Variants in TNRC6C observed in about 807,000 individuals in gnomAD.
TNRC6C encodes trinucleotide repeat-containing gene 6C protein.
A neutral mutation model predicts 153.7 loss-of-function variants in TNRC6C; 20 were observed. The ratio of observed to expected loss-of-function variants is 0.13; its 90% CI spans 0.09 to 0.19. The LOEUF (loss-of-function observed/expected upper bound fraction) is 0.19, where lower values mean the gene tolerates loss of function less well. Ranked by LOEUF, TNRC6C falls within the 10% of genes least tolerant of loss-of-function variation. The pLI, the probability that TNRC6C is intolerant of heterozygous loss-of-function variation, is 1.00. For synonymous variants in TNRC6C, 811 were observed against 841.4 expected, an observed-to-expected ratio of 0.96 and a Z score of 0.63; for missense variants, 1,987 against 2,172.0, an observed-to-expected ratio of 0.91 and a Z score of 1.69.
intron 2 of TNRC6C, among the ~76,000 whole-genome samples, chr17:78,045,380 C>A (rs1055554211): frequency 2.6e-5 from 4 of 152,096 alleles, no homozygotes; most frequent in Admixed American, 6.5e-5. Flanking sequence ...TGGATATTGG[C>A]CTTTGTAGAA....
In TNRC6C at chr17:78,049,159, A is replaced by G; in HGVS notation, c.97A>G (p.Asn33Asp). Residue 33 changes from asparagine (N) to aspartate (D), a missense_variant, in exon 3 of 20, where the codon AAT becomes GAT. Coordinates refer to ENST00000301624, the Ensembl canonical transcript of TNRC6C. This position sits in a 1 kb window ranked among gnomAD's most constrained non-coding sequence, Gnocchi z 4.1. ...TGGCGCACTCGTCCAAAGCCCTTCT[A>G]ATCAGAGTGCCCTTGGAGCAGGGGG... 5 of 1,612,508 alleles carry G rather than the reference A, an allele frequency of 3.1e-6. No individual in the cohort carries two copies. The highest frequency in any genetic ancestry group is 4.2e-6 in the Non-Finnish European group (5 of 1,179,168).
chr17:77,960,622 A>T (rs2070854178), intron 1 of TNRC6C, among the ~76,000 whole-genome samples: 2 of 152,192 alleles, frequency 1.3e-5, no homozygotes, highest in Non-Finnish European at 2.9e-5. Flanking sequence ...GATTTCCTTC[A>T]GTACTGTATG....
chr17:77,959,921 G>T (rs147119048), intron 1 of TNRC6C, among the ~76,000 whole-genome samples: 95 of 152,190 alleles, frequency 6.2e-4, no homozygotes, highest in African/African-American at 2.2e-3. Context: ...TAATTGATTC[G>T]TAGCTATGAA....
At chr17:78,060,843 A>G (rs1165552103) in intron 3 of TNRC6C, among the ~76,000 whole-genome samples, 1 of 152,176 alleles carries the variant, frequency 6.6e-6, no homozygotes, top group African/African-American at 2.4e-5. Context: ...TTCTTATTTC[A>G]TAGAGGAAAG....
At chr17:78,029,551 G>A (rs1291012022) in intron 1 of TNRC6C, among the ~76,000 whole-genome samples, 1 of 152,228 alleles carries the variant, frequency 6.6e-6, no homozygotes, top group African/African-American at 2.4e-5. Flanking sequence ...TGAGGAGTCA[G>A]TGAGTGGTGA....
At chr17:78,009,411 A>G (rs1402831479) in intron 1 of TNRC6C, among the ~76,000 whole-genome samples, 1 of 152,106 alleles carries the variant, frequency 6.6e-6, no homozygotes, top group African/African-American at 2.4e-5. Flanking sequence ...AAATGTGAAA[A>G]TTTAATTCAG....
At chr17:77,973,562 A>T (rs2070959036) in intron 1 of TNRC6C, among the ~76,000 whole-genome samples, 1 of 152,238 alleles carries the variant, frequency 6.6e-6, no homozygotes, top group Admixed American at 6.5e-5. Flanking sequence ...CCTTATCCAC[A>T]GATGACATAA....
chr17:78,077,600 G>C (rs1411848980), intron 9 of TNRC6C: 1 of 509,684 alleles, frequency 2.0e-6, no homozygotes, highest in East Asian at 3.7e-5. Flanking sequence ...ACTTGGGACT[G>C]GCTAAAGTGA....
At chr17:78,103,582 T>C in intron 19 of TNRC6C, 29 bp downstream of exon 22, 1 of 1,612,894 alleles carries the variant, frequency 6.2e-7, no homozygotes, top group Non-Finnish European at 8.5e-7. Context: ...ACCTCAGCGC[T>C]CCAAGTAGCT....
chr17:77,997,039 C>T (rs2071339133), intron 1 of TNRC6C, among the ~76,000 whole-genome samples: 1 of 152,120 alleles, frequency 6.6e-6, no homozygotes, highest in African/African-American at 2.4e-5. Flanking sequence ...TATAGAAAGA[C>T]ATTGGTGAAG....
rs2072486443 is a variant in TNRC6C at position 78,049,859 on chromosome 17, G to T, written c.797G>T (p.Ser266Ile). The T allele has an allele frequency of 1.2e-6, 2 of 1,613,998 alleles. No individual in the cohort carries two copies. The highest frequency in any genetic ancestry group is 1.7e-6 in the Non-Finnish European group (2 of 1,179,868). The change falls in exon 3 of 20, where the codon AGT (serine) becomes ATT (isoleucine). Residue 266 changes from serine (S) to isoleucine (I), a missense_variant. This residue lies in a region of TNRC6C where 1,052 missense variants were observed against 1,017.0 expected (regional missense o/e 1.03). Transcript: ENST00000301624. This position sits in a 1 kb window ranked among gnomAD's most constrained non-coding sequence, Gnocchi z 4.1. ...ACAGGAAATAGCAATTCTGGGTTCAGTCAGGGGAATGGAGACACTGTGAAC... is the reference window on the plus strand; with the variant it reads ...ACAGGAAATAGCAATTCTGGGTTCATTCAGGGGAATGGAGACACTGTGAAC...
At chr17:77,960,993 T>G (rs1227964438) in intron 1 of TNRC6C, among the ~76,000 whole-genome samples, 1 of 152,072 alleles carries the variant, frequency 6.6e-6, no homozygotes. Context: ...GACCTGACCA[T>G]AGGCATAGTC....
At chr17:78,103,622 T>C in intron 19 of TNRC6C, 69 bp downstream of exon 22, 14 of 1,591,342 alleles carry the variant, frequency 8.8e-6, no homozygotes, top group Non-Finnish European at 1.2e-5. Flanking sequence ...AGGTTAGGGG[T>C]GTTGCAGGGG....
intron 1 of TNRC6C, among the ~76,000 whole-genome samples, chr17:77,975,595 A>G (rs1193074469): frequency 6.6e-6 from 1 of 152,242 alleles, no homozygotes; most frequent in African/African-American, 2.4e-5. Flanking sequence ...ATATTTAATC[A>G]AACATTTTTC....
At chr17:78,065,580 G>A (rs2072859151) in intron 4 of TNRC6C, among the ~76,000 whole-genome samples, 1 of 152,116 alleles carries the variant, frequency 6.6e-6, no homozygotes, top group Non-Finnish European at 1.5e-5. Flanking sequence ...CTATTTCACT[G>A]AGCAAGATAG....
In TNRC6C at chr17:78,075,529, G is replaced by A; in HGVS notation, c.3060+251G>A. 2.0e-6 allele frequency: 1 copy of A among 507,638 alleles called. No homozygotes were observed. Among genetic ancestry groups the A allele is most frequent in the Non-Finnish European group, 3.4e-6 (1 of 291,316 alleles). The allele number at this position is 507,638 out of a possible 1,614,324, so 31.4% of individuals were successfully genotyped here. The stretch of plus-strand genomic sequence containing the variant: ...TCATATTTATTGTGTGAACTTGGCT[G>A]GTTATCTGCTTCAATTTGTCCAATG... On this transcript the variant is annotated intron_variant, in intron 8 of 19. Coordinates refer to ENST00000301624, the Ensembl canonical transcript of TNRC6C. This position sits in a 1 kb window ranked among gnomAD's most constrained non-coding sequence, Gnocchi z 4.2.
intron 4 of TNRC6C, among the ~76,000 whole-genome samples, chr17:78,066,050 G>A (rs1302051178): frequency 6.6e-6 from 1 of 152,076 alleles, no homozygotes; most frequent in African/African-American, 2.4e-5. Context: ...GGCCAACAAG[G>A]TGAAACCCCA....
intron 1 of TNRC6C, among the ~76,000 whole-genome samples, chr17:78,026,916 A>G (rs1299481064): frequency 1.3e-5 from 2 of 152,182 alleles, no homozygotes; most frequent in Admixed American, 6.5e-5. Flanking sequence ...ATTAATAGAA[A>G]TGACAAGGTT....
chr17:78,033,190 T>C (rs1032156564), intron 2 of TNRC6C, among the ~76,000 whole-genome samples: 2 of 152,216 alleles, frequency 1.3e-5, no homozygotes, highest in African/African-American at 4.8e-5. Context: ...TGGTTGACAG[T>C]ATTGCATCAG....
Sources: allele counts gnomAD v4.1 joint callset (sites outside exome capture counted in the v4.1 genomes callset), GRCh38; gene constraint gnomAD v4.1.1; regional missense constraint gnomAD v4.1.1; non-coding constraint Gnocchi (gnomAD v3.1); transcripts MANE v1.5; gene names NCBI Gene and HGNC (gene_info 2026-07-23, HGNC 2026-07-21).